Variants in TNR observed in about 807,000 individuals in gnomAD.
TNR encodes tenascin R, also known as tenascin-R.
Under a neutral mutation model 150.4 loss-of-function variants are expected in TNR, and 45 were observed. The observed-to-expected ratio is 0.30, with a 90% CI of 0.24 to 0.38. The LOEUF (loss-of-function observed/expected upper bound fraction) is 0.38, where lower values mean the gene tolerates loss of function less well. Among genes scored for constraint, TNR ranks in the 10% least tolerant of loss-of-function variants. The probability of loss-of-function intolerance (pLI) is 1.00; values close to 1 mark genes in which losing one functional copy is unlikely to be tolerated. For missense variants in TNR, 1,544 were observed against 1,759.1 expected (o/e 0.88, Z 2.19); for synonymous variants, 687 against 678.4 (o/e 1.01, Z -0.20).
chr1:175,481,003 G>C (rs1657786498), intron 2 of TNR, among the ~76,000 whole-genome samples: 1 of 152,078 alleles, frequency 6.6e-6, no homozygotes, highest in South Asian at 2.1e-4. Context: ...GACTACCAAG[G>C]AGTAATCTGT....
At chr1:175,689,102 T>C (rs796227704) in intron 1 of TNR, among the ~76,000 whole-genome samples, 1 of 152,194 alleles carries the variant, frequency 6.6e-6, no homozygotes, top group Non-Finnish European at 1.5e-5. Context: ...GCTGTCTCTG[T>C]AGGACCACGT....
chr1:175,665,586 C>A lies in TNR; in HGVS notation c.-165+77640G>T, dbSNP rs975615746. On this transcript the variant is annotated intron_variant, in intron 1 of 22. Coordinates refer to ENST00000367674, the MANE Select transcript of TNR (RefSeq NM_003285.3). ...GCCACACAGAGCTGTGGTGTCACCT[C>A]ATAGCACATTTGTTCTGGGGAGCAA... is the stretch of plus-strand genomic sequence containing the variant. 2.6e-5 allele frequency among the ~76,000 whole-genome samples: 4 copies of A among 152,196 alleles called. No individual in the cohort carries two copies. In the East Asian group the frequency reaches 7.7e-4, roughly 29 times the overall value.
intron 2 of TNR, among the ~76,000 whole-genome samples, chr1:175,407,065 A>ATGAGGGC (rs1302532480): frequency 6.6e-6 from 1 of 152,224 alleles, no homozygotes; most frequent in East Asian, 1.9e-4. Flanking sequence ...TGGAGGAAAC[A>ATGAGGGC]TGAGGGCTGG....
At chr1:175,670,147 T>C (rs1665652809) in intron 1 of TNR, among the ~76,000 whole-genome samples, 1 of 152,220 alleles carries the variant, frequency 6.6e-6, no homozygotes, top group South Asian at 2.1e-4. Context: ...AGGCTCCAGA[T>C]TGAGGTCATG....
At chr1:175,503,673 G>T (rs1261462655) in intron 2 of TNR, among the ~76,000 whole-genome samples, 2 of 152,154 alleles carry the variant, frequency 1.3e-5, no homozygotes, top group Non-Finnish European at 1.5e-5. Flanking sequence ...TGTGCAGAGC[G>T]AGTGGGCTGA....
intron 1 of TNR, among the ~76,000 whole-genome samples, chr1:175,585,288 T>C (rs1214762051): frequency 1.3e-5 from 2 of 152,222 alleles, no homozygotes; most frequent in Admixed American, 6.5e-5. Context: ...TGAATGCAAC[T>C]ACTCAAACTT....
chr1:175,398,843 G>T (rs533247864), intron 4 of TNR, among the ~76,000 whole-genome samples: 2 of 152,080 alleles, frequency 1.3e-5, no homozygotes, highest in Non-Finnish European at 2.9e-5. Context: ...CATCTAACAA[G>T]AATTTAAAAA....
At chr1:175,383,540 G>A (rs187537898) in intron 8 of TNR, among the ~76,000 whole-genome samples, 23 of 152,298 alleles carry the variant, frequency 1.5e-4, no homozygotes, top group Middle Eastern at 3.4e-3. Context: ...TCCAATCACC[G>A]GCCATGGTGC....
intron 2 of TNR, among the ~76,000 whole-genome samples, chr1:175,451,974 G>C (rs1379688310): frequency 1.3e-5 from 2 of 152,154 alleles, no homozygotes; most frequent in Non-Finnish European, 2.9e-5. Context: ...ATGTGCTTTG[G>C]GTATTATGTC....
chr1:175,584,835 T>C (rs1177063157), intron 1 of TNR, among the ~76,000 whole-genome samples: 3 of 152,216 alleles, frequency 2.0e-5, no homozygotes, highest in Non-Finnish European at 4.4e-5. Context: ...GCTTAGGAGC[T>C]TGTACTAATT....
chr1:175,557,592 G>A lies in TNR; in HGVS notation c.-164-29223C>T, dbSNP rs182786964. ...CAAGATAGCCATCTCACACCAGTTA[G>A]AATGGCAATCATTAAAAAGTCAGGA... On this transcript the variant is annotated intron_variant, in intron 1 of 22. Coordinates refer to ENST00000367674, the MANE Select transcript of TNR (RefSeq NM_003285.3). 1.2e-3 allele frequency among the ~76,000 whole-genome samples: 185 copies of A among 152,130 alleles called. 1 individual carries two copies. The highest frequency in any genetic ancestry group is 2.4e-3 in the Admixed American group (36 of 15,280).
At chr1:175,686,576 G>A (rs570296303) in intron 1 of TNR, among the ~76,000 whole-genome samples, 6 of 152,076 alleles carry the variant, frequency 3.9e-5, no homozygotes, top group African/African-American at 4.8e-5. Flanking sequence ...ATAATGCTTC[G>A]ATTGAGCCCA....
In TNR at chr1:175,431,911, A is replaced by ATCTCTCTCTCTCTCTCTCCTTC. The variant is rs1553221256; in HGVS notation, c.-63-25135_-63-25134insGAAGGAGAGAGAGAGAGAGAGA. On this transcript the variant is annotated intron_variant, in intron 2 of 22. Coordinates refer to ENST00000367674, the MANE Select transcript of TNR (RefSeq NM_003285.3). ...ATTTCTCTTGTTTATGGACCATAATATCTCTCTCTCTCTCTCTCTCTCTCC... is the reference window on the plus strand; with the variant it reads ...ATTTCTCTTGTTTATGGACCATAATATCTCTCTCTCTCTCTCTCCTTCTCTCTCTCTCTCTCTCTCTCTCTCC... Among the ~76,000 whole-genome samples, 347 of 136,470 alleles carry ATCTCTCTCTCTCTCTCTCCTTC rather than the reference A, an allele frequency of 2.5e-3. 1 individual carries two copies. Among genetic ancestry groups the ATCTCTCTCTCTCTCTCTCCTTC allele is most frequent in the Middle Eastern group, 0.011 (3 of 268 alleles). 89.5% of individuals were successfully genotyped at this position (136,470 alleles called of 152,430 possible).
At chr1:175,489,948 G>A (rs1232347252) in intron 2 of TNR, among the ~76,000 whole-genome samples, 1 of 152,070 alleles carries the variant, frequency 6.6e-6, no homozygotes, top group Non-Finnish European at 1.5e-5. Context: ...AAAGCTGGAG[G>A]CATCATGTTA....
intron 2 of TNR, among the ~76,000 whole-genome samples, chr1:175,511,748 A>G (rs1234439707): frequency 6.6e-6 from 1 of 152,192 alleles, no homozygotes; most frequent in African/African-American, 2.4e-5. Context: ...TGCTTCTCAC[A>G]CTGACAAATC....
In TNR at chr1:175,445,868, A is replaced by T. The variant is rs140645097; in HGVS notation, c.-63-39091T>A. On this transcript the variant is annotated intron_variant, in intron 2 of 22. Transcript: ENST00000367674. ...CCTTTATTGAGTTTTCACAGTGCAC[A>T]TCAGTAGCCTCTATGTGCCTCTGCT... Among the ~76,000 whole-genome samples the T allele has an allele frequency of 4.7e-3, 715 of 152,332 alleles. 2 individuals carry two copies. The highest frequency in any genetic ancestry group is 7.4e-3 in the Non-Finnish European group (502 of 68,024).
At chr1:175,640,304 A>G (rs992098050) in intron 1 of TNR, among the ~76,000 whole-genome samples, 1 of 152,214 alleles carries the variant, frequency 6.6e-6, no homozygotes, top group African/African-American at 2.4e-5. Flanking sequence ...GCAAACATTG[A>G]GCACATCCTT....
At chr1:175,443,618 G>A (rs1219301471) in intron 2 of TNR, among the ~76,000 whole-genome samples, 1 of 152,066 alleles carries the variant, frequency 6.6e-6, no homozygotes, top group African/African-American at 2.4e-5. Context: ...CCCAGTACAT[G>A]TTTCAGTTTC....
At chr1:175,330,050 G>T in intron 21 of TNR, 24 bp downstream of exon 21, 1 of 1,531,368 alleles carries the variant, frequency 6.5e-7, no homozygotes, top group Middle Eastern at 2.1e-4. Flanking sequence ...CTGTCCTTGG[G>T]GTCTGCTCAG....
Sources: gnomAD v4.1 joint callset for allele counts (sites outside exome capture counted in the v4.1 genomes callset) on GRCh38, gnomAD v4.1.1 for gene constraint, MANE v1.5 for transcripts, NCBI Gene and HGNC (gene_info 2026-07-23, HGNC 2026-07-21) for gene names.